Variants in HELB observed in about 807,000 individuals in gnomAD.
HELB encodes the protein DNA helicase B.
Under a neutral mutation model 101.7 loss-of-function variants are expected in HELB, and 96 were observed. The ratio of observed to expected loss-of-function variants is 0.94; its 90% CI spans 0.80 to 1.12. The LOEUF is 1.12. HELB is among the 50% of genes most tolerant of loss of function. The pLI, the probability that HELB is intolerant of heterozygous loss-of-function variation, is 0.00. For missense variants in HELB, 1,210 were observed against 1,291.9 expected (o/e 0.94, Z 0.97); for synonymous variants, 437 against 459.7 (o/e 0.95, Z 0.63).
At chr12:66,318,577 A>T in intron 6 of HELB, 61 bp from the exon 7 acceptor site, 1 of 1,456,592 alleles carries the variant, frequency 6.9e-7, no homozygotes, top group Non-Finnish European at 9.2e-7. Flanking sequence ...AGCTCTGATC[A>T]TATATGAAGA....
chr12:66,314,126 G>C lies in HELB; in HGVS notation c.1821G>C (p.Leu607Phe). Residue 607 changes from leucine to phenylalanine, a missense_variant, in exon 5 of 13, where the codon TTG (leucine) becomes TTC (phenylalanine). Transcript: ENST00000247815. ...TCTTCAAATCGGTCTTAAATTTATT[G>C]TGTGAGCACTCCAAACTTTCTAAGC... ...VGIFKSVLNL[L>F]CEHSKLSKLI... The C allele has an allele frequency of 1.9e-6, 3 of 1,613,744 alleles. No homozygotes were observed. The highest frequency in any genetic ancestry group is 2.5e-6 in the Non-Finnish European group (3 of 1,179,712).
At chr12:66,321,601 A>G in intron 7 of HELB, 1 of 224,228 alleles carries the variant, frequency 4.5e-6, no homozygotes, top group East Asian at 1.5e-4. Flanking sequence ...GAAGTTTTAC[A>G]TTAGTCATGC....
rs748951600 is a variant in HELB, at chr12:66,314,072, G to A, written c.1767G>A (p.Val589=). ...WKFSSVRVLV[V]DEGSLVSVGI... The stretch of plus-strand genomic sequence containing the variant: ...TTTCTTCGGTTAGAGTTCTGGTTGT[G>A]GATGAAGGGAGTTTGGTATCTGTAG... The change falls in exon 5 of 13, where the codon GTG becomes GTA. Residue 589 remains valine, a synonymous_variant. Transcript: ENST00000247815. 2.5e-5 allele frequency: 41 copies of A among 1,613,688 alleles called. No individual in the cohort carries two copies. The highest frequency in any genetic ancestry group is 3.0e-5 in the Non-Finnish European group (35 of 1,179,774).
chr12:66,317,807 G>T (rs533534155), intron 6 of HELB, among the ~76,000 whole-genome samples: 1 of 152,146 alleles, frequency 6.6e-6, no homozygotes, highest in Non-Finnish European at 1.5e-5. Context: ...AATTAAATCT[G>T]GGCTATCGCC....
intron 1 of HELB, among the ~76,000 whole-genome samples, chr12:66,303,215 A>C (rs1434230798): frequency 6.6e-6 from 1 of 151,740 alleles, no homozygotes; most frequent in African/African-American, 2.4e-5. Flanking sequence ...TTCCACCCAG[A>C]ATCGGAACTT....
At chr12:66,304,179 C>A (rs140415341) in intron 1 of HELB, among the ~76,000 whole-genome samples, 2 of 152,300 alleles carry the variant, frequency 1.3e-5, no homozygotes, top group African/African-American at 4.8e-5. Context: ...GTGTATTAAA[C>A]AAACATTCTT....
intron 2 of HELB, 147 bp downstream of exon 2, chr12:66,305,297 A>G: frequency 5.0e-6 from 3 of 596,932 alleles, no homozygotes; most frequent in Non-Finnish European, 8.6e-6. Flanking sequence ...TATGCCATTG[A>G]CATTTCAGGT....
At position 66,310,371 on chromosome 12, in the gene HELB, G is replaced by A. The variant is rs1446672350; in HGVS notation, c.1443G>A (p.Lys481=). Residue 481 remains lysine, a synonymous_variant, in exon 4 of 13, where the codon AAG becomes AAA. Transcript: ENST00000247815. ...TVISGKGGCG[K]TTIVSRLFKH... ...TAAGTGGGAAAGGTGGATGTGGGAA[G>A]ACCACAATCGTTAGCCGTCTTTTTA... 3 of 1,614,068 alleles carry A rather than the reference G, an allele frequency of 1.9e-6. No individual in the cohort carries two copies. Among genetic ancestry groups the A allele is most frequent in the Non-Finnish European group, 2.5e-6 (3 of 1,180,038 alleles).
chr12:66,334,079 G>A (rs760721925), intron 12 of HELB, among the ~76,000 whole-genome samples: 4 of 152,070 alleles, frequency 2.6e-5, no homozygotes, highest in Non-Finnish European at 4.4e-5. Flanking sequence ...AGGATCACTT[G>A]AGACTGAGAG....
intron 12 of HELB, among the ~76,000 whole-genome samples, chr12:66,337,346 T>C (rs897690602): frequency 6.6e-6 from 1 of 152,170 alleles, no homozygotes; most frequent in Admixed American, 6.5e-5. Flanking sequence ...ATTAAACTTG[T>C]CATCTCTTAC....
At chr12:66,324,484 A>C in intron 10 of HELB, 1 of 317,468 alleles carries the variant, frequency 3.1e-6, no homozygotes. Flanking sequence ...ATGAAGAAAC[A>C]TTTTTAATAA....
Position 66,303,453 on chromosome 12 carries a change from A to AAACAAC in HELB, c.187+678_187+683dup, listed in dbSNP as rs571564693. Among the ~76,000 whole-genome samples the AAACAAC allele has an allele frequency of 1.1e-4, 16 of 151,878 alleles. No individual in the cohort carries two copies. In the South Asian group the frequency reaches 3.1e-3, roughly 30 times the overall value. ...AACATGGTGAAACCTGTCTCTAGTA[A>AAACAAC]AACAACAACAACAACAACAAAACTA... On this transcript the variant is annotated intron_variant, in intron 1 of 12. Transcript: ENST00000247815.
At chr12:66,308,043 TA>T (rs10686380) in intron 3 of HELB, among the ~76,000 whole-genome samples, 3,163 of 107,968 alleles carry the variant, frequency 0.029, 129 homozygotes, top group African/African-American at 0.1. Context: ...CTACCTCCTC[TA>T]AAAAAAAAAA....
At chr12:66,319,871 T>A (rs1219029270) in intron 7 of HELB, among the ~76,000 whole-genome samples, 1 of 83,994 alleles carries the variant, frequency 1.2e-5, no homozygotes, top group Non-Finnish European at 3.2e-5. Flanking sequence ...TTCTATAATG[T>A]GCTTTTTTGG....
chr12:66,324,630 C>CGGTGGTCG, intron 10 of HELB: 1 of 282,958 alleles, frequency 3.5e-6, no homozygotes, highest in Non-Finnish European at 6.8e-6. Flanking sequence ...AGTGTAGATA[C>CGGTGGTCG]CCTCACTGAA....
At chr12:66,337,075 G>A (rs750928716) in intron 12 of HELB, among the ~76,000 whole-genome samples, 5 of 152,128 alleles carry the variant, frequency 3.3e-5, no homozygotes, top group Non-Finnish European at 7.4e-5. Context: ...ATTCAGGTGG[G>A]GTTGGGCCTG....
intron 7 of HELB, chr12:66,321,622 T>G (rs1029379103): frequency 3.7e-6 from 1 of 267,656 alleles, no homozygotes; most frequent in Non-Finnish European, 7.3e-6. Context: ...TGTTACACAC[T>G]TTGTACTCTT....
intron 7 of HELB, among the ~76,000 whole-genome samples, chr12:66,319,422 C>T (rs2053646278): frequency 6.6e-6 from 1 of 152,070 alleles, no homozygotes; most frequent in Non-Finnish European, 1.5e-5. Flanking sequence ...AGTGGAACTC[C>T]CTGTGGAGCT....
chr12:66,308,115 G>A (rs1054584036), intron 3 of HELB, among the ~76,000 whole-genome samples: 5 of 151,260 alleles, frequency 3.3e-5, no homozygotes, highest in Admixed American at 2.0e-4. Context: ...TGGATTAAGT[G>A]AACCCCTGTT....
Sources: gnomAD v4.1 joint callset for allele counts (sites outside exome capture counted in the v4.1 genomes callset) on GRCh38, gnomAD v4.1.1 for gene constraint, MANE v1.5 for transcripts, NCBI Gene and HGNC (gene_info 2026-07-23, HGNC 2026-07-21) for gene names.